Variants in LDB2 observed in about 807,000 individuals in gnomAD.
The protein encoded by LDB2 is LIM domain binding 2.
In LDB2, 12 loss-of-function variants were observed where a neutral mutation model predicts 44.3. The ratio of observed to expected loss-of-function variants is 0.27; its 90% CI spans 0.17 to 0.44. The LOEUF (loss-of-function observed/expected upper bound fraction) is 0.44, where lower values mean the gene tolerates loss of function less well. Among genes scored for constraint, LDB2 ranks in the 20% least tolerant of loss-of-function variants. The pLI is 1.00. For missense variants in LDB2, 344 were observed against 473.5 expected (o/e 0.73, Z 2.54); for synonymous variants, 164 against 174.8 (o/e 0.94, Z 0.49).
At chr4:16,728,755 T>G (rs527643468) in intron 2 of LDB2, among the ~76,000 whole-genome samples, 1 of 152,336 alleles carries the variant, frequency 6.6e-6, no homozygotes, top group African/African-American at 2.4e-5. Context: ...CACGTATATC[T>G]TTCTATCCTT....
intron 2 of LDB2, among the ~76,000 whole-genome samples, chr4:16,680,689 C>T (rs1012278381): frequency 6.6e-5 from 10 of 152,174 alleles, no homozygotes; most frequent in Non-Finnish European, 1.0e-4. Context: ...TCCAAAGCCA[C>T]GCTCATATTC....
intron 2 of LDB2, among the ~76,000 whole-genome samples, chr4:16,682,064 A>G (rs541004264): frequency 5.3e-5 from 8 of 152,310 alleles, no homozygotes; most frequent in Admixed American, 1.3e-4. Flanking sequence ...TTAAAAATTA[A>G]TATCATTTGA....
At chr4:16,808,367 T>C (rs1779173931) in intron 1 of LDB2, among the ~76,000 whole-genome samples, 1 of 152,144 alleles carries the variant, frequency 6.6e-6, no homozygotes, top group Non-Finnish European at 1.5e-5. Context: ...AGAAGGAAGA[T>C]AGCAAAAATG....
chr4:16,718,386 A>G (rs961658779), intron 2 of LDB2, among the ~76,000 whole-genome samples: 1 of 152,170 alleles, frequency 6.6e-6, no homozygotes, highest in Non-Finnish European at 1.5e-5. Flanking sequence ...TGAAAGAGAA[A>G]AATGAAAACA....
At chr4:16,883,818 A>G (rs1055371629) in intron 1 of LDB2, among the ~76,000 whole-genome samples, 2 of 152,154 alleles carry the variant, frequency 1.3e-5, no homozygotes, top group Non-Finnish European at 2.9e-5. Flanking sequence ...TAAACGATTC[A>G]TGGCCCACAT....
At chr4:16,633,940 G>A (rs1055529576) in intron 2 of LDB2, among the ~76,000 whole-genome samples, 2 of 152,116 alleles carry the variant, frequency 1.3e-5, no homozygotes, top group African/African-American at 4.8e-5. Flanking sequence ...ACAGAACAGA[G>A]GCCCCAGAAA....
chr4:16,617,821 T>C (rs1727752577), intron 2 of LDB2, among the ~76,000 whole-genome samples: 1 of 152,172 alleles, frequency 6.6e-6, no homozygotes, highest in Admixed American at 6.5e-5. Flanking sequence ...TTTTCTACTA[T>C]TAAATTGGAA....
chr4:16,783,063 A>G (rs1273914943), intron 1 of LDB2, among the ~76,000 whole-genome samples: 1 of 152,226 alleles, frequency 6.6e-6, no homozygotes, highest in Admixed American at 6.5e-5. Flanking sequence ...GTCTTCAAAG[A>G]TGTGAAGAAT....
intron 5 of LDB2, among the ~76,000 whole-genome samples, chr4:16,555,094 GGTT>G (rs1431803445): frequency 3.8e-5 from 1 of 26,588 alleles, no homozygotes; most frequent in Admixed American, 7.8e-4. Flanking sequence ...AATATGGAGT[GGTT>G]TTTTTTTTTT....
intron 5 of LDB2, among the ~76,000 whole-genome samples, chr4:16,524,365 G>A (rs969554716): frequency 7.2e-5 from 11 of 152,176 alleles, no homozygotes; most frequent in African/African-American, 2.7e-4. Context: ...AGGGCTGCCT[G>A]AGGAATCGAT....
chr4:16,712,255 T>C (rs1756050524), intron 2 of LDB2, among the ~76,000 whole-genome samples: 1 of 152,210 alleles, frequency 6.6e-6, no homozygotes, highest in African/African-American at 2.4e-5. Context: ...GGATTCACTA[T>C]ACATTTCTCC....
intron 2 of LDB2, among the ~76,000 whole-genome samples, chr4:16,624,436 T>C (rs1471266603): frequency 6.6e-6 from 1 of 152,098 alleles, no homozygotes; most frequent in Non-Finnish European, 1.5e-5. Flanking sequence ...AAACAAAAAA[T>C]AAAAAATATA....
intron 2 of LDB2, among the ~76,000 whole-genome samples, chr4:16,672,966 C>T (rs535208481): frequency 6.6e-6 from 1 of 150,924 alleles, no homozygotes; most frequent in East Asian, 2.0e-4. Context: ...TCCTTTCTCC[C>T]TCCCTCCATC....
intron 1 of LDB2, among the ~76,000 whole-genome samples, chr4:16,829,571 T>C (rs983445020): frequency 2.0e-5 from 3 of 152,152 alleles, no homozygotes; most frequent in African/African-American, 7.2e-5. Context: ...AAATCCTGTG[T>C]GTGTTATATA....
intron 5 of LDB2, among the ~76,000 whole-genome samples, chr4:16,529,273 G>C (rs6852447): frequency 0.02 from 3,050 of 152,222 alleles, 97 homozygotes; most frequent in African/African-American, 0.069. Context: ...GCCCATGCTT[G>C]GGAATGTATC....
At chr4:16,835,156 GT>G (rs2110074181) in intron 1 of LDB2, among the ~76,000 whole-genome samples, 1 of 152,268 alleles carries the variant, frequency 6.6e-6, no homozygotes, top group East Asian at 1.9e-4. Flanking sequence ...TAATATTTAT[GT>G]GGCATAAAAT....
At chr4:16,660,385 G>C (rs988936535) in intron 2 of LDB2, among the ~76,000 whole-genome samples, 1 of 152,170 alleles carries the variant, frequency 6.6e-6, no homozygotes, top group Non-Finnish European at 1.5e-5. Flanking sequence ...TAAGGGTAAA[G>C]AGGATGGTGA....
intron 4 of LDB2, 99 bp from the exon 5 acceptor site, chr4:16,586,104 A>T: frequency 4.5e-6 from 4 of 881,508 alleles, no homozygotes; most frequent in Non-Finnish European, 7.4e-6. Context: ...CAATCTCGAC[A>T]TTGTTGATTT....
intron 5 of LDB2, among the ~76,000 whole-genome samples, chr4:16,512,742 C>A (rs1286308454): frequency 3.3e-5 from 5 of 152,176 alleles, no homozygotes; most frequent in Non-Finnish European, 5.9e-5. Context: ...TGTCAACATT[C>A]ATTCAATGTG....
Sources: gnomAD v4.1 joint callset for allele counts (sites outside exome capture counted in the v4.1 genomes callset) on GRCh38, gnomAD v4.1.1 for gene constraint, MANE v1.5 for transcripts, NCBI Gene and HGNC (gene_info 2026-07-23, HGNC 2026-07-21) for gene names.